The following THPO variants were observed in gnomAD, a reference collection of about 807,000 sequenced individuals.
The protein encoded by THPO is thrombopoietin, also known as MPL ligand.
A neutral mutation model predicts 17.0 loss-of-function variants in THPO; 12 were observed. The observed-to-expected ratio is 0.71, with a 90% CI of 0.45 to 1.14. The LOEUF is 1.14. THPO is among the 50% of genes most tolerant of loss of function. THPO has a pLI of 0.00. For missense variants in THPO, 365 were observed against 427.5 expected (o/e 0.85, Z 1.29); for synonymous variants, 188 against 183.0 (o/e 1.03, Z -0.22).
At chr3:184,376,731 G>T (rs1714435627) in intron 1 of THPO, among the ~76,000 whole-genome samples, 1 of 152,044 alleles carries the variant, frequency 6.6e-6, no homozygotes, top group African/African-American at 2.4e-5. Context: ...TGTAATCCAA[G>T]CTACTTGGGA....
intron 4 of THPO, 117 bp from the exon 5 acceptor site, chr3:184,373,699 C>A: frequency 4.2e-6 from 5 of 1,184,744 alleles, no homozygotes; most frequent in African/African-American, 1.5e-5. Context: ...TGGACAGGAC[C>A]AAGGTCCCAC....
intron 1 of THPO, among the ~76,000 whole-genome samples, chr3:184,376,618 G>T (rs532499595): frequency 6.6e-6 from 1 of 152,150 alleles, no homozygotes; most frequent in Non-Finnish European, 1.5e-5. Context: ...TCCAAGGCGG[G>T]TGGATCACCT....
At position 184,372,995 on chromosome 3, in the gene THPO, C is replaced by T. The variant is rs1469251059; in HGVS notation, c.580G>A (p.Glu194Lys). The T allele has an allele frequency of 1.3e-5, 21 of 1,613,978 alleles. No individual in the cohort carries two copies. The Middle Eastern group carries it at 9.9e-4, about 76-fold the overall frequency. The change falls in exon 6 of 6, where the codon GAG becomes AAG. Residue 194 changes from glutamate to lysine, a missense_variant. Glu to Lys is a moderately conservative substitution (Grantham distance 56). Coordinates refer to ENST00000647395, the MANE Select transcript of THPO (RefSeq NM_000460.4). ...AATCCAGAAGTCCTGTTTGGGAGCTCGTTCAGTGTGAGGACTAGAGAGGTT... is the reference window on the plus strand; with the variant it reads ...AATCCAGAAGTCCTGTTTGGGAGCTTGTTCAGTGTGAGGACTAGAGAGGTT... ...SRTSLVLTLN[E>K]LPNRTSGLLE...
rs1408881253 is a variant in THPO, at chr3:184,373,097, C to T, written c.478G>A (p.Val160Met). 11 of 1,613,858 alleles carry T rather than the reference C, an allele frequency of 6.8e-6. No homozygotes were observed. The highest frequency in any genetic ancestry group is 1.6e-4 in the Middle Eastern group (1 of 6,082). ...CCTCCTACAAGCATCAGGAAACGCACCTTTCCTCGGAGCAGGTGTTGGAAG... is the reference window on the plus strand; with the variant it reads ...CCTCCTACAAGCATCAGGAAACGCATCTTTCCTCGGAGCAGGTGTTGGAAG... Reference protein sequence around the residue: ...LSFQHLLRGKVRFLMLVGGST... With the variant: ...LSFQHLLRGKMRFLMLVGGST... Residue 160 changes from valine to methionine, a missense_variant, in exon 6 of 6, where the codon GTG (valine) becomes ATG (methionine). Transcript: ENST00000647395.
intron 2 of THPO, 35 bp from the exon 3 acceptor site, chr3:184,376,050 A>G (rs2108623609): frequency 6.2e-7 from 1 of 1,613,742 alleles, no homozygotes. Flanking sequence ...AAAGATGAGG[A>G]GGAAATCATT....
Position 184,378,091 on chromosome 3 carries a change from C to A in THPO, c.-162G>T, listed in dbSNP as rs1166655403. ...GCCACTCACCGGGTGGAGAAGGGCT[C>A]CAGGACCCAAGTGCACAGCAGGCAG... On this transcript the variant is annotated 5_prime_UTR_variant, in exon 1 of 6. Transcript: ENST00000647395. 2 of 985,550 alleles carry A rather than the reference C, an allele frequency of 2.0e-6. No individual in the cohort carries two copies. Among genetic ancestry groups the A allele is most frequent in the Non-Finnish European group, 2.4e-6 (2 of 830,126 alleles). The allele number at this position is 985,550 out of a possible 1,614,324, so 61.1% of individuals were successfully genotyped here.
chr3:184,373,394 A>T, intron 5 of THPO, 21 bp downstream of exon 5: 2 of 1,613,684 alleles, frequency 1.2e-6, no homozygotes, highest in Non-Finnish European at 1.7e-6. Flanking sequence ...GTTTCTACAG[A>T]TCCCTTGACT....
At chr3:184,377,717 C>A (rs575394033) in intron 1 of THPO, among the ~76,000 whole-genome samples, 1 of 152,162 alleles carries the variant, frequency 6.6e-6, no homozygotes, top group Non-Finnish European at 1.5e-5. Flanking sequence ...CTTAAGCTAA[C>A]GAGGAATGAC....
chr3:184,374,582 A>G (rs962503244), intron 4 of THPO, among the ~76,000 whole-genome samples: 1 of 152,190 alleles, frequency 6.6e-6, no homozygotes, highest in African/African-American at 2.4e-5. Context: ...GCATTTCCAC[A>G]ATGGGGATGC....
At chr3:184,378,909 T>C, upstream of THPO, 1 of 981,224 alleles carries the variant, frequency 1.0e-6, no homozygotes, top group Non-Finnish European at 1.2e-6. Flanking sequence ...TGTGTCCCTG[T>C]CTTAGGAAAG....
chr3:184,377,577 A>G (rs1265575045), intron 1 of THPO, among the ~76,000 whole-genome samples: 2 of 152,166 alleles, frequency 1.3e-5, no homozygotes. Context: ...AAGTTGTGCA[A>G]AGAGGCTTGC....
chr3:184,376,178 CGT>C, intron 2 of THPO, 67 bp downstream of exon 2: 1 of 1,613,378 alleles, frequency 6.2e-7, no homozygotes, highest in Non-Finnish European at 8.5e-7. Flanking sequence ...CCCCCTGCAG[CGT>C]GTCTCCTTTC....
chr3:184,379,351 G>T (rs550924413), upstream of THPO, among the ~76,000 whole-genome samples: 10 of 152,230 alleles, frequency 6.6e-5, no homozygotes, highest in East Asian at 1.7e-3. Context: ...AAGGAAGGGG[G>T]TGAGAAAGCA....
intron 3 of THPO, 87 bp downstream of exon 3, chr3:184,375,801 G>A (rs1714340293): frequency 1.3e-6 from 2 of 1,592,204 alleles, no homozygotes; most frequent in Admixed American, 3.3e-5. Flanking sequence ...TTGGGTCAAG[G>A]AGTTAGAGGA....
intron 2 of THPO, 87 bp downstream of exon 2, chr3:184,376,160 G>C (rs1714382715): frequency 2.5e-6 from 4 of 1,612,634 alleles, no homozygotes; most frequent in Non-Finnish European, 3.4e-6. Flanking sequence ...GGTTCCCCCA[G>C]CTTCCTGCCC....
rs146086551 is a variant in THPO at position 184,377,821 on chromosome 3, A to T, written c.-146+254T>A. ...CCTCTCTTATTTTCTCCCTGGGCTC[A>T]TGTCCCCTTTCCTTAGGGCCAGCCA... On this transcript the variant is annotated intron_variant, in intron 1 of 5. Transcript: ENST00000647395. Among the ~76,000 whole-genome samples, 71 of 152,282 alleles carry T rather than the reference A, an allele frequency of 4.7e-4. No individual in the cohort carries two copies. In the East Asian group the frequency reaches 0.013, roughly 28 times the overall value.
Position 184,372,412 on chromosome 3 carries a change from A to C in THPO, c.*101T>G. 7.0e-7 allele frequency: 1 copy of C among 1,438,424 alleles called. No homozygotes were observed. Among genetic ancestry groups the C allele is most frequent in the Non-Finnish European group, 9.8e-7 (1 of 1,023,202 alleles). 89.1% of individuals were successfully genotyped at this position (1,438,424 alleles called of 1,614,324 possible). ...CCCTTTTACCAGGGCTTTGGGTTTC[A>C]GGAGAAAGTAGGAAATCTTGTCCAG... On this transcript the variant is annotated 3_prime_UTR_variant, in exon 6 of 6. Coordinates refer to ENST00000647395, the MANE Select transcript of THPO (RefSeq NM_000460.4).
rs763077384 is a variant in THPO, at chr3:184,372,969, C to A, written c.606G>T (p.Leu202Phe). 1.2e-5 allele frequency: 19 copies of A among 1,614,066 alleles called. No individual in the cohort carries two copies. The highest frequency in any genetic ancestry group is 1.7e-5 in the Admixed American group (1 of 59,998). ...LNELPNRTSG[L>F]LETNFTASAR... is the part of the protein sequence containing the mutation. ...CTGAGGCAGTGAAGTTTGTCTCCAA[C>A]AATCCAGAAGTCCTGTTTGGGAGCT... The change falls in exon 6 of 6, where the codon TTG (leucine) becomes TTT (phenylalanine). Residue 202 changes from leucine (L) to phenylalanine (F), a missense_variant. Leu to Phe is a conservative substitution (Grantham distance 22, BLOSUM62 0). Coordinates refer to ENST00000647395, the MANE Select transcript of THPO (RefSeq NM_000460.4).
At position 184,372,956 on chromosome 3, in the gene THPO, A is replaced by G; in HGVS notation, c.619T>C (p.Phe207Leu). The G allele has an allele frequency of 6.2e-7, 1 of 1,614,172 alleles. No individual in the cohort carries two copies. Among genetic ancestry groups the G allele is most frequent in the Non-Finnish European group, 8.5e-7 (1 of 1,180,026 alleles). The change falls in exon 6 of 6, where the codon TTC (phenylalanine) becomes CTC (leucine). Residue 207 changes from phenylalanine (F) to leucine (L), a missense_variant. Phe to Leu is a conservative substitution (Grantham distance 22). Transcript: ENST00000647395. ...CCAGTAGTTCTGGCTGAGGCAGTGA[A>G]GTTTGTCTCCAACAATCCAGAAGTC... ...NRTSGLLETN[F>L]TASARTTGSG...
Sources: gnomAD v4.1 joint callset for allele counts (sites outside exome capture counted in the v4.1 genomes callset) on GRCh38, gnomAD v4.1.1 for gene constraint, MANE v1.5 for transcripts, NCBI Gene and HGNC (gene_info 2026-07-23, HGNC 2026-07-21) for gene names.